The following VGLL3 variants were observed in gnomAD, a reference collection of about 807,000 sequenced individuals.
VGLL3 encodes the protein vestigial like family member 3, also known as transcription cofactor vestigial-like protein 3.
VGLL3 carries 18 observed loss-of-function variants against 29.2 expected under a neutral mutation model. The ratio of observed to expected loss-of-function variants is 0.62; its 90% CI spans 0.43 to 0.91. The LOEUF (loss-of-function observed/expected upper bound fraction) is 0.91. Ranked by LOEUF, VGLL3 falls within the 40% of genes least tolerant of loss-of-function variation. The pLI is 0.00. For synonymous variants in VGLL3, 180 were observed against 151.8 expected, an observed-to-expected ratio of 1.19 and a Z score of -1.36; for missense variants, 440 against 413.2, an observed-to-expected ratio of 1.06 and a Z score of -0.56.
intron 3 of VGLL3, among the ~76,000 whole-genome samples, chr3:86,953,784 A>G (rs770846512): frequency 2.6e-5 from 4 of 152,074 alleles, no homozygotes; most frequent in Non-Finnish European, 5.9e-5. Context: ...CTTTTTGTAT[A>G]CTAGCATTTA....
chr3:86,984,668 T>G (rs1705398752), intron 1 of VGLL3, among the ~76,000 whole-genome samples: 1 of 152,210 alleles, frequency 6.6e-6, no homozygotes, highest in Admixed American at 6.5e-5. Flanking sequence ...TTAAGGTAAT[T>G]TATCCATTAT....
rs1184836159 is a variant in VGLL3, at chr3:86,941,549, A to C, written c.*5475T>G. On this transcript the variant is annotated 3_prime_UTR_variant, in exon 4 of 4. Transcript: ENST00000398399. ...ATTGGTAAAAGTACACTTATTTATA[A>C]TAGAATTTCTTGGAACTTAAAAAGG... 6.6e-6 allele frequency: 1 copy of C among 152,080 alleles called. No homozygotes were observed. The highest frequency in any genetic ancestry group is 1.5e-5 in the Non-Finnish European group (1 of 67,988). The allele number at this position is 152,080 out of a possible 1,614,324, so 9.4% of individuals were successfully genotyped here. A position where few individuals can be genotyped will look rare whatever the true frequency, so the allele number is the denominator to read the frequency against.
At position 86,991,028 on chromosome 3, in the gene VGLL3, G is replaced by A. The variant is rs573434047; in HGVS notation, c.-285C>T. On this transcript the variant is annotated 5_prime_UTR_variant, in exon 1 of 4. Coordinates refer to ENST00000398399, the MANE Select transcript of VGLL3 (RefSeq NM_016206.4). ...CAGGGACGCAGCCGCCCGCTGCGCC[G>A]CTGGGGCATTACCGCGTCCGGCTCC... The A allele has an allele frequency of 5.4e-5, 42 of 772,822 alleles. 1 individual carries two copies. The African/African-American group carries it at 7.3e-4, about 13-fold the overall frequency. 47.9% of individuals were successfully genotyped at this position (772,822 alleles called of 1,614,324 possible). A position where few individuals can be genotyped will look rare whatever the true frequency, so the allele number is the denominator to read the frequency against.
chr3:86,990,557 G>C, intron 1 of VGLL3, 61 bp downstream of exon 1: 1 of 1,310,888 alleles, frequency 7.6e-7, no homozygotes, highest in Non-Finnish European at 9.8e-7. Flanking sequence ...CCGAGCCCCA[G>C]ACCGATACTC....
intron 2 of VGLL3, among the ~76,000 whole-genome samples, chr3:86,970,767 G>A (rs1171439537): frequency 6.6e-6 from 1 of 152,168 alleles, no homozygotes; most frequent in Non-Finnish European, 1.5e-5. Context: ...GTTGCCTACA[G>A]TGTTGTATAA....
chr3:86,945,248 G>A lies in VGLL3; in HGVS notation c.*1776C>T, dbSNP rs1368015903. On this transcript the variant is annotated 3_prime_UTR_variant, in exon 4 of 4. Transcript: ENST00000398399. ...AGATCTGAAGCTCAAAAGACGGATA[G>A]GATATAAATGAATACATAAATTACA... 2 of 152,066 alleles carry A rather than the reference G, an allele frequency of 1.3e-5. No individual in the cohort carries two copies. The highest frequency in any genetic ancestry group is 6.6e-5 in the Admixed American group (1 of 15,246). The allele number at this position is 152,066 out of a possible 1,614,324, so 9.4% of individuals were successfully genotyped here.
At chr3:86,966,762 AGTGT>A (rs375833254) in intron 3 of VGLL3, among the ~76,000 whole-genome samples, 54 of 85,296 alleles carry the variant, frequency 6.3e-4, no homozygotes, top group African/African-American at 2.1e-3. Context: ...TTAAAGTAAT[AGTGT>A]GTGTGTGTAT....
rs139458369 is a variant in VGLL3, at chr3:86,960,817, G to A, written c.937+7773C>T. Among the ~76,000 whole-genome samples the A allele has an allele frequency of 1.6e-3, 241 of 151,770 alleles. 1 individual carries two copies. The highest frequency in any genetic ancestry group is 5.6e-3 in the African/African-American group (232 of 41,404). On this transcript the variant is annotated intron_variant, in intron 3 of 3. Coordinates refer to ENST00000398399, the MANE Select transcript of VGLL3 (RefSeq NM_016206.4). ...AATCCACTATTAGGTGGCTACTTAC[G>A]CAAATTAATGCCTAGTTTTTTTGAG... is the stretch of plus-strand genomic sequence containing the variant.
intron 3 of VGLL3, among the ~76,000 whole-genome samples, chr3:86,948,959 T>C (rs1704560489): frequency 6.6e-6 from 1 of 152,190 alleles, no homozygotes; most frequent in African/African-American, 2.4e-5. Context: ...CCACCTTTAC[T>C]GACAATCTGC....
intron 2 of VGLL3, among the ~76,000 whole-genome samples, chr3:86,976,053 G>A (rs1377445813): frequency 6.6e-6 from 1 of 152,106 alleles, no homozygotes; most frequent in Non-Finnish European, 1.5e-5. Flanking sequence ...GGCGGAGGTT[G>A]CAGTGAGCCG....
intron 2 of VGLL3, among the ~76,000 whole-genome samples, 198 bp from the exon 3 acceptor site, chr3:86,969,321 G>A (rs1559728278): frequency 2.0e-5 from 3 of 152,200 alleles, no homozygotes; most frequent in Non-Finnish European, 2.9e-5. Flanking sequence ...CCATGTGCAA[G>A]ATCCAAAGTG....
At chr3:86,981,286 G>A (rs1479633245) in intron 1 of VGLL3, among the ~76,000 whole-genome samples, 3 of 151,834 alleles carry the variant, frequency 2.0e-5, no homozygotes, top group Admixed American at 2.0e-4. Flanking sequence ...AGATTTCACA[G>A]TTTTCTAAAT....
At chr3:86,980,618 CA>C (rs774556428) in intron 1 of VGLL3, among the ~76,000 whole-genome samples, 23 of 152,064 alleles carry the variant, frequency 1.5e-4, no homozygotes, top group East Asian at 5.8e-4. Flanking sequence ...ACCATAGAAA[CA>C]TATGGTATGT....
rs569661977 is a variant in VGLL3 at position 86,939,157 on chromosome 3, C to T, written c.*7867G>A. 96 of 152,338 alleles carry T rather than the reference C, an allele frequency of 6.3e-4. No homozygotes were observed. The highest frequency in any genetic ancestry group is 2.2e-3 in the African/African-American group (93 of 41,574). 9.4% of individuals were successfully genotyped at this position (152,338 alleles called of 1,614,324 possible). On this transcript the variant is annotated 3_prime_UTR_variant, in exon 4 of 4. Transcript: ENST00000398399. ...AGATAAACCCCCACACAAATGCCAA[C>T]GCAAACATTATGACTTGCTACTCCC...
intron 3 of VGLL3, among the ~76,000 whole-genome samples, chr3:86,966,969 G>T (rs573297172): frequency 5.0e-4 from 76 of 151,456 alleles, no homozygotes; most frequent in African/African-American, 1.8e-3. Context: ...TTTCCAAAAG[G>T]TGTGAGAATG....
intron 3 of VGLL3, among the ~76,000 whole-genome samples, chr3:86,950,021 C>T (rs1704586034): frequency 6.6e-6 from 1 of 152,036 alleles, no homozygotes; most frequent in South Asian, 2.1e-4. Context: ...TTTGGGATTT[C>T]CCAAGACTTT....
intron 1 of VGLL3, among the ~76,000 whole-genome samples, chr3:86,982,856 G>C (rs1365009483): frequency 6.6e-6 from 1 of 152,020 alleles, no homozygotes; most frequent in Non-Finnish European, 1.5e-5. Flanking sequence ...TTTTCCCTCG[G>C]TAAAATGACT....
In VGLL3 at chr3:86,950,028, C is replaced by T. The variant is rs72916053; in HGVS notation, c.938-2961G>A. The stretch of plus-strand genomic sequence containing the variant: ...TACATTTATTTGGGATTTCCCAAGA[C>T]TTTTCTTGCCAGAACAAAATCCACT... On this transcript the variant is annotated intron_variant, in intron 3 of 3. Transcript: ENST00000398399. Among the ~76,000 whole-genome samples the T allele has an allele frequency of 9.0e-3, 1,374 of 152,186 alleles. 18 individuals are homozygous for T. The highest frequency in any genetic ancestry group is 0.031 in the African/African-American group (1,306 of 41,524).
intron 3 of VGLL3, among the ~76,000 whole-genome samples, chr3:86,950,432 A>G (rs1373670418): frequency 6.6e-6 from 1 of 152,204 alleles, no homozygotes; most frequent in East Asian, 1.9e-4. Context: ...TGAGAGAACT[A>G]GGATTTTAAA....
Sources: allele counts gnomAD v4.1 joint callset (sites outside exome capture counted in the v4.1 genomes callset), GRCh38; gene constraint gnomAD v4.1.1; transcripts MANE v1.5; gene names NCBI Gene and HGNC (gene_info 2026-07-23, HGNC 2026-07-21).